Variants in GCFC2 observed in about 807,000 individuals in gnomAD.
GCFC2 encodes intron Large complex component GCFC2.
GCFC2 carries 102 observed loss-of-function variants against 99.4 expected under a neutral mutation model. The ratio of observed to expected loss-of-function variants is 1.03; its 90% CI spans 0.87 to 1.21. GCFC2 has a LOEUF of 1.21. Ranked by LOEUF, GCFC2 falls within the 50% of genes most tolerant of loss-of-function variation. The pLI is 0.00. For missense variants in GCFC2, 973 were observed against 920.9 expected (o/e 1.06, Z -0.73); for synonymous variants, 338 against 316.8 (o/e 1.07, Z -0.71).
At chr2:75,698,711 A>G (rs1405755073) in intron 4 of GCFC2, among the ~76,000 whole-genome samples, 1 of 152,182 alleles carries the variant, frequency 6.6e-6, no homozygotes, top group Non-Finnish European at 1.5e-5. Context: ...TCACAGTTAC[A>G]TTAGAATGTG....
chr2:75,678,869 T>C (rs889389319), intron 12 of GCFC2, among the ~76,000 whole-genome samples: 1 of 152,150 alleles, frequency 6.6e-6, no homozygotes, highest in African/African-American at 2.4e-5. Context: ...CTAATTTTTA[T>C]TTTTTTGGTA....
upstream of GCFC2, among the ~76,000 whole-genome samples, chr2:75,712,489 G>T (rs746496795): frequency 6.6e-6 from 1 of 152,144 alleles, no homozygotes; most frequent in African/African-American, 2.4e-5. Context: ...AAAACAGGCC[G>T]CTGGGCTCTA....
chr2:75,705,858 A>C (rs1423253989), intron 2 of GCFC2, among the ~76,000 whole-genome samples: 1 of 152,184 alleles, frequency 6.6e-6, no homozygotes, highest in Admixed American at 6.5e-5. Context: ...TGCGGGCCAT[A>C]GGGTCTTTGT....
chr2:75,673,052 T>C (rs1164378550), intron 13 of GCFC2, among the ~76,000 whole-genome samples: 2 of 152,246 alleles, frequency 1.3e-5, no homozygotes, highest in Admixed American at 1.3e-4. Context: ...GGCTCACGCC[T>C]GTAATCCCAG....
At chr2:75,670,341 T>G in intron 14 of GCFC2, 57 bp from the exon 15 acceptor site, 2 of 1,224,760 alleles carry the variant, frequency 1.6e-6, no homozygotes, top group South Asian at 2.5e-5. Flanking sequence ...ACTGTAATAG[T>G]CTCTAACAAA....
chr2:75,670,353 A>G, intron 14 of GCFC2, 69 bp from the exon 15 acceptor site: 1 of 1,106,186 alleles, frequency 9.0e-7, no homozygotes, highest in South Asian at 1.4e-5. Flanking sequence ...TCTAACAAAC[A>G]TGAAGAGTTG....
chr2:75,673,419 C>T, intron 13 of GCFC2, 25 bp downstream of exon 13: 1 of 981,816 alleles, frequency 1.0e-6, no homozygotes, highest in Non-Finnish European at 1.6e-6. Flanking sequence ...CTATTTCCAA[C>T]AATCTAGAAA....
intron 4 of GCFC2, among the ~76,000 whole-genome samples, chr2:75,700,201 A>T (rs1680521361): frequency 6.6e-6 from 1 of 152,002 alleles, no homozygotes; most frequent in East Asian, 1.9e-4. Context: ...ATCCCACCTT[A>T]CTGTATTGTA....
rs768806876 is a variant in GCFC2, at chr2:75,710,890, G to A, written c.-35C>T. 13 of 1,492,862 alleles carry A rather than the reference G, an allele frequency of 8.7e-6. No individual in the cohort carries two copies. The Admixed American group carries it at 2.6e-4, about 30-fold the overall frequency. The allele number at this position is 1,492,862 out of a possible 1,614,324, so 92.5% of individuals were successfully genotyped here. A position where few individuals can be genotyped will look rare whatever the true frequency, so the allele number is the denominator to read the frequency against. ...CCGAGCGCCCGGCGCCCTAGAACCC[G>A]CTGAACCGCAAGCCGCAGCTTCAGT... On this transcript the variant is annotated 5_prime_UTR_variant, in exon 1 of 17. Coordinates refer to ENST00000321027, the MANE Select transcript of GCFC2 (RefSeq NM_003203.5).
chr2:75,712,489 G>A (rs746496795), upstream of GCFC2, among the ~76,000 whole-genome samples: 3 of 152,144 alleles, frequency 2.0e-5, no homozygotes, highest in African/African-American at 4.8e-5. Context: ...AAAACAGGCC[G>A]CTGGGCTCTA....
intron 12 of GCFC2, chr2:75,679,672 G>C (rs1373325714): frequency 2.5e-6 from 1 of 397,478 alleles, no homozygotes; most frequent in Non-Finnish European, 4.4e-6. Flanking sequence ...AAGCCACAAT[G>C]CCACTGGATT....
Position 75,665,955 on chromosome 2 carries a change from T to A in GCFC2, c.2202A>T (p.Ala734=). The change falls in exon 16 of 17, where the codon GCA becomes GCT. Residue 734 remains alanine (A), a synonymous_variant. Coordinates refer to ENST00000321027, the MANE Select transcript of GCFC2 (RefSeq NM_003203.5). ...ENFIQFLLQS[A]HKLSRSEFRD... ...TGAATTCACTTCTAGATAATTTATG[T>A]GCAGACTGCAATAAAAACTGAATGA... 1 of 1,595,352 alleles carries A rather than the reference T, an allele frequency of 6.3e-7. No individual in the cohort carries two copies. Among genetic ancestry groups the A allele is most frequent in the Non-Finnish European group, 8.6e-7 (1 of 1,165,024 alleles).
rs1272863940 is a variant in GCFC2 at position 75,664,121 on chromosome 2, T to G, written c.*545A>C. ...TTTTAAAAAGGATAATAACTACTGC[T>G]GGTAGGGATTCATTGGCACTCACTT... On this transcript the variant is annotated 3_prime_UTR_variant, in exon 17 of 17. Transcript: ENST00000321027. 1 of 152,232 alleles carries G rather than the reference T, an allele frequency of 6.6e-6. No individual in the cohort carries two copies. The highest frequency in any genetic ancestry group is 1.5e-5 in the Non-Finnish European group (1 of 68,048). The allele number at this position is 152,232 out of a possible 1,614,324, so 9.4% of individuals were successfully genotyped here.
rs1680657337 is a variant in GCFC2, at chr2:75,702,553, TAATA to T, written c.395-134_395-131del. On this transcript the variant is annotated intron_variant, in intron 2 of 16. Coordinates refer to ENST00000321027, the MANE Select transcript of GCFC2 (RefSeq NM_003203.5). ...CTATTTTGATATATGAATGTGACTT[TAATA>T]AATGGCTCAAAATCTGTATCAGCAA... 1.5e-5 allele frequency: 10 copies of T among 668,300 alleles called. No homozygotes were observed. In the Admixed American group the frequency reaches 2.1e-4, roughly 14 times the overall value. 41.4% of individuals were successfully genotyped at this position (668,300 alleles called of 1,614,324 possible).
intron 6 of GCFC2, among the ~76,000 whole-genome samples, chr2:75,692,973 C>T (rs553763974): frequency 6.6e-6 from 1 of 152,210 alleles, no homozygotes; most frequent in East Asian, 1.9e-4. Context: ...GCTATGAGTA[C>T]ATTAATGCAC....
intron 11 of GCFC2, among the ~76,000 whole-genome samples, chr2:75,684,994 T>C (rs887808559): frequency 2.0e-5 from 3 of 152,032 alleles, no homozygotes; most frequent in African/African-American, 7.3e-5. Flanking sequence ...TTCTCACTCA[T>C]AAGTGGGAGC....
chr2:75,709,955 T>C (rs1681063446), intron 1 of GCFC2, among the ~76,000 whole-genome samples: 1 of 152,222 alleles, frequency 6.6e-6, no homozygotes, highest in African/African-American at 2.4e-5. Context: ...TTTAAACAAC[T>C]TTATGCTGCC....
chr2:75,704,509 T>C (rs1680747737), intron 2 of GCFC2, among the ~76,000 whole-genome samples: 1 of 152,246 alleles, frequency 6.6e-6, no homozygotes. Context: ...TCTGCACTCC[T>C]GTTAAGACAT....
At chr2:75,688,936 G>C (rs1238254775) in intron 10 of GCFC2, 90 bp downstream of exon 10, 1 of 721,974 alleles carries the variant, frequency 1.4e-6, no homozygotes, top group Non-Finnish European at 2.4e-6. Context: ...CCGACTCTAA[G>C]GGTAAGGTAT....
Sources: gnomAD v4.1 joint callset for allele counts (sites outside exome capture counted in the v4.1 genomes callset) on GRCh38, gnomAD v4.1.1 for gene constraint, MANE v1.5 for transcripts, NCBI Gene and HGNC (gene_info 2026-07-23, HGNC 2026-07-21) for gene names.